LYSMD2: variants seen among roughly 807,000 people sequenced by gnomAD.
The protein encoded by LYSMD2 is lysM and putative peptidoglycan-binding domain-containing protein 2.
In LYSMD2, 6 loss-of-function variants were observed where a neutral mutation model predicts 17.7. The observed-to-expected ratio is 0.34, with a 90% confidence interval of 0.19 to 0.67. The LOEUF is 0.67. Ranked by LOEUF, LYSMD2 falls within the 30% of genes least tolerant of loss-of-function variation. The pLI, the probability that LYSMD2 is intolerant of heterozygous loss-of-function variation, is 0.69. For synonymous variants in LYSMD2, 102 were observed against 129.8 expected, an observed-to-expected ratio of 0.79 and a Z score of 1.45; for missense variants, 237 against 286.7, an observed-to-expected ratio of 0.83 and a Z score of 1.25.
chr15:51,745,572 C>T (rs2055663564), intron 1 of LYSMD2, among the ~76,000 whole-genome samples: 1 of 152,036 alleles, frequency 6.6e-6, no homozygotes, highest in Non-Finnish European at 1.5e-5. Flanking sequence ...GAACATTCAA[C>T]AAAGTGGGAA....
At chr15:51,747,066 G>A (rs1161320774) in intron 1 of LYSMD2, among the ~76,000 whole-genome samples, 2 of 151,412 alleles carry the variant, frequency 1.3e-5, no homozygotes, top group African/African-American at 4.9e-5. Flanking sequence ...CGGGCTTGGT[G>A]GCACACGCCT....
At chr15:51,743,073 A>C (rs886533579) in intron 1 of LYSMD2, among the ~76,000 whole-genome samples, 1 of 152,234 alleles carries the variant, frequency 6.6e-6, no homozygotes, top group African/African-American at 2.4e-5. Flanking sequence ...TAGATATTCT[A>C]TGTTATTTTC....
chr15:51,726,129 T>C (rs1466532278), intron 1 of LYSMD2, among the ~76,000 whole-genome samples: 1 of 152,228 alleles, frequency 6.6e-6, no homozygotes, highest in Non-Finnish European at 1.5e-5. Flanking sequence ...AAGCTTTCTT[T>C]TTTCTTCTAA....
At chr15:51,734,953 T>C (rs924790423) in intron 1 of LYSMD2, among the ~76,000 whole-genome samples, 2 of 152,122 alleles carry the variant, frequency 1.3e-5, no homozygotes, top group Admixed American at 6.5e-5. Context: ...GGTGGGTGGA[T>C]TGCTTGAGCC....
intron 1 of LYSMD2, among the ~76,000 whole-genome samples, chr15:51,732,156 G>A (rs914196745): frequency 7.9e-5 from 12 of 152,172 alleles, no homozygotes; most frequent in East Asian, 7.7e-4. Flanking sequence ...TTGAGAATGA[G>A]CCTCAAACCA....
chr15:51,724,355 A>C (rs1259269416), intron 2 of LYSMD2, among the ~76,000 whole-genome samples: 1 of 152,228 alleles, frequency 6.6e-6, no homozygotes, highest in Non-Finnish European at 1.5e-5. Context: ...AATATTTTAC[A>C]AGTATTTTCT....
At chr15:51,747,124 C>T (rs1567231478) in intron 1 of LYSMD2, among the ~76,000 whole-genome samples, 4 of 151,778 alleles carry the variant, frequency 2.6e-5, no homozygotes, top group South Asian at 2.1e-4. Context: ...TGCTTGAACC[C>T]GGGAGGCAGA....
chr15:51,744,892 A>G (rs1014554793), intron 1 of LYSMD2, among the ~76,000 whole-genome samples: 2 of 152,154 alleles, frequency 1.3e-5, no homozygotes, highest in African/African-American at 4.8e-5. Context: ...AAGAAAAAAA[A>G]GAGAAGATTC....
intron 1 of LYSMD2, among the ~76,000 whole-genome samples, chr15:51,750,303 C>T (rs969601135): frequency 6.6e-6 from 1 of 152,168 alleles, no homozygotes; most frequent in African/African-American, 2.4e-5. Flanking sequence ...AAATGCAAAC[C>T]AGTGTTATCA....
At chr15:51,736,424 A>T (rs1204172361) in intron 1 of LYSMD2, among the ~76,000 whole-genome samples, 1 of 152,252 alleles carries the variant, frequency 6.6e-6, no homozygotes, top group Non-Finnish European at 1.5e-5. Flanking sequence ...CTGATAGGTA[A>T]ACATATACCG....
chr15:51,736,946 T>C (rs186737569), intron 1 of LYSMD2, among the ~76,000 whole-genome samples: 2 of 152,348 alleles, frequency 1.3e-5, no homozygotes, highest in East Asian at 3.9e-4. Context: ...TCACCTCAGT[T>C]GGGCTTTGCG....
chr15:51,723,690 T>G (rs1030562266), intron 2 of LYSMD2, 41 bp from the exon 3 acceptor site: 1 of 1,458,192 alleles, frequency 6.9e-7, no homozygotes, highest in Non-Finnish European at 9.3e-7. Flanking sequence ...AGTTTAGAAC[T>G]GTATGCAGAA....
At chr15:51,747,566 T>C (rs1190504777) in intron 1 of LYSMD2, among the ~76,000 whole-genome samples, 1 of 152,262 alleles carries the variant, frequency 6.6e-6, no homozygotes, top group African/African-American at 2.4e-5. Flanking sequence ...TCCCTAATTG[T>C]CTCATTAATG....
chr15:51,750,290 C>T (rs2055691453), intron 1 of LYSMD2, among the ~76,000 whole-genome samples: 1 of 152,232 alleles, frequency 6.6e-6, no homozygotes, highest in Non-Finnish European at 1.5e-5. Flanking sequence ...AAAGTATTTT[C>T]ATAAATGCAA....
At chr15:51,737,791 G>T (rs1489050164), upstream of LYSMD2, 8 of 434,386 alleles carry the variant, frequency 1.8e-5, no homozygotes, top group Non-Finnish European at 2.5e-5. The surrounding 1 kb of genome is among the most constrained non-coding windows in gnomAD (Gnocchi z 4.2). Flanking sequence ...CATGGCGGGC[G>T]CCTCCTCCTC....
chr15:51,742,228 T>C (rs1032796508), upstream of LYSMD2, among the ~76,000 whole-genome samples: 2 of 152,024 alleles, frequency 1.3e-5, no homozygotes, highest in African/African-American at 4.8e-5. Flanking sequence ...TTAGTAGAGA[T>C]GGGGTTTCGC....
At chr15:51,747,522 C>T (rs751819533) in intron 1 of LYSMD2, among the ~76,000 whole-genome samples, 14 of 152,158 alleles carry the variant, frequency 9.2e-5, no homozygotes, top group Non-Finnish European at 1.9e-4. Flanking sequence ...AGAAAACAGA[C>T]CTTAATATAA....
At chr15:51,734,070 C>A (rs1456093329) in intron 1 of LYSMD2, among the ~76,000 whole-genome samples, 1 of 152,134 alleles carries the variant, frequency 6.6e-6, no homozygotes, top group Non-Finnish European at 1.5e-5. Context: ...AAAGTCCCAG[C>A]TACTCGAGAG....
At chr15:51,739,497 T>C (rs1350174), upstream of LYSMD2, among the ~76,000 whole-genome samples, 73,214 of 152,008 alleles carry the variant, frequency 0.48, 17,913 homozygotes, top group Admixed American at 0.55. Context: ...GAGGCAGAAT[T>C]TGAGTCTCAG....
Sources: gnomAD v4.1 joint callset for allele counts (sites outside exome capture counted in the v4.1 genomes callset) on GRCh38, gnomAD v4.1.1 for gene constraint, Gnocchi (gnomAD v3.1) non-coding constraint, MANE v1.5 for transcripts, NCBI Gene and HGNC (gene_info 2026-07-23, HGNC 2026-07-21) for gene names.